The following SRPX variants were observed in gnomAD, a reference collection of about 807,000 sequenced individuals.
SRPX encodes sushi repeat containing protein X-linked, also known as sushi repeat-containing protein SRPX.
A neutral mutation model predicts 38.1 loss-of-function variants in SRPX; 24 were observed. That is an observed-to-expected ratio of 0.63 (90% CI 0.46 to 0.89). SRPX has a LOEUF of 0.89. SRPX is among the 40% of genes least tolerant of loss of function. The pLI, the probability that SRPX is intolerant of heterozygous loss-of-function variation, is 0.00. For missense variants in SRPX, 416 were observed against 377.8 expected (o/e 1.10, Z -0.84); for synonymous variants, 184 against 153.8 (o/e 1.20, Z -1.45).
At chrX:38,159,441 T>C in intron 7 of SRPX, among the ~76,000 whole-genome samples, 1 of 113,117 alleles carries the variant, frequency 8.8e-6, no homozygotes, top group Non-Finnish European at 1.9e-5. Flanking sequence ...TTCAGACTCA[T>C]TACCCAGCCC....
chrX:38,173,102 G>T (rs758342469), intron 3 of SRPX, among the ~76,000 whole-genome samples: 1 of 112,481 alleles, frequency 8.9e-6, no homozygotes, highest in Non-Finnish European at 1.9e-5. Context: ...TGACATGGCT[G>T]CAGCCTTGAA....
intron 9 of SRPX, among the ~76,000 whole-genome samples, chrX:38,150,107 A>G (rs1178193193): frequency 2.7e-5 from 3 of 111,541 alleles, no homozygotes; most frequent in African/African-American, 9.8e-5. Flanking sequence ...CTCATGCCCA[A>G]CCCCAAACCT....
chrX:38,152,321 C>A (rs1008786416), intron 9 of SRPX, among the ~76,000 whole-genome samples: 13 of 112,257 alleles, frequency 1.2e-4, no homozygotes, highest in Non-Finnish European at 2.3e-4. Context: ...ATGACATTTA[C>A]CTGGACTATC....
At chrX:38,218,213 T>C (rs1939450547) in intron 1 of SRPX, among the ~76,000 whole-genome samples, 1 of 112,462 alleles carries the variant, frequency 8.9e-6, no homozygotes, top group Non-Finnish European at 1.9e-5. Context: ...AAGCCTTTCT[T>C]AGAGGCCATG....
At chrX:38,173,323 AG>A (rs1197746720) in intron 3 of SRPX, among the ~76,000 whole-genome samples, 10 of 112,595 alleles carry the variant, frequency 8.9e-5, no homozygotes, top group African/African-American at 3.2e-4. Flanking sequence ...TGAAGCTAAA[AG>A]CCAGCCCCTG....
intron 9 of SRPX, among the ~76,000 whole-genome samples, chrX:38,150,928 A>T (rs1455791044): frequency 8.9e-6 from 1 of 112,004 alleles, no homozygotes; most frequent in East Asian, 2.8e-4. Flanking sequence ...AAATGAGCCC[A>T]CTCAGTCTCT....
chrX:38,214,386 C>T (rs1343437800), intron 1 of SRPX, among the ~76,000 whole-genome samples: 2 of 110,988 alleles, frequency 1.8e-5, no homozygotes, highest in African/African-American at 6.6e-5. Flanking sequence ...GACCAAGACA[C>T]CCACCCAGAG....
chrX:38,220,728 AGCAGCAGCAGCAGCAGAGGCG>A lies in SRPX; in HGVS notation c.44_64del (p.Pro15_Leu21del), dbSNP rs777543606. 4.3e-6 allele frequency: 4 copies of A among 925,450 alleles called. No individual in the cohort carries two copies. In the African/African-American group the frequency reaches 5.8e-5, roughly 13 times the overall value. 76.3% of individuals were successfully genotyped at this position (925,450 alleles called of 1,213,427 possible). On this transcript the variant is annotated inframe_deletion, in exon 1 of 10. Coordinates refer to ENST00000378533, the MANE Select transcript of SRPX (RefSeq NM_006307.5). Reference sequence around the variant, plus strand: ...GCTGCGGCTGGGCGGGACGCGCAGCAGCAGCAGCAGCAGCAGAGGCGGCAGCAGCAGCAGCAGCGCGGGCCG... The same window carrying A: ...GCTGCGGCTGGGCGGGACGCGCAGCAGCAGCAGCAGCAGCAGCGCGGGCCG...
At chrX:38,164,649 G>T in intron 5 of SRPX, 120 bp downstream of exon 5, 1 of 756,591 alleles carries the variant, frequency 1.3e-6, no homozygotes, top group Non-Finnish European at 1.9e-6. Flanking sequence ...GTTAGGTAGT[G>T]ACCAGGGGGA....
At chrX:38,152,757 T>TAC (rs756381961) in intron 9 of SRPX, among the ~76,000 whole-genome samples, 11 of 111,991 alleles carry the variant, frequency 9.8e-5, no homozygotes, top group Non-Finnish European at 1.9e-4. Flanking sequence ...GAAGATGACA[T>TAC]ACACACACAC....
At chrX:38,201,892 A>C (rs1210024521) in intron 1 of SRPX, among the ~76,000 whole-genome samples, 1 of 111,922 alleles carries the variant, frequency 8.9e-6, no homozygotes, top group African/African-American at 3.2e-5. Context: ...CTAGACTAAA[A>C]TCAGCCCAAA....
At chrX:38,194,844 TTTTG>T (rs1449151526) in intron 1 of SRPX, among the ~76,000 whole-genome samples, 4 of 108,362 alleles carry the variant, frequency 3.7e-5, no homozygotes, top group Middle Eastern at 4.7e-3. Context: ...AAATAATGTT[TTTTG>T]TTTGTTTGTT....
At chrX:38,158,936 C>T (rs567130843) in intron 7 of SRPX, among the ~76,000 whole-genome samples, 15 of 110,801 alleles carry the variant, frequency 1.4e-4, no homozygotes, top group South Asian at 1.2e-3. Context: ...ACCGAGATCG[C>T]GCCACTGCAC....
chrX:38,165,575 A>T (rs1002760587), intron 4 of SRPX, among the ~76,000 whole-genome samples: 1 of 112,096 alleles, frequency 8.9e-6, no homozygotes, highest in Non-Finnish European at 1.9e-5. Flanking sequence ...CATTTTACAG[A>T]TGTGCAAACT....
chrX:38,217,844 C>T (rs760601827), intron 1 of SRPX, among the ~76,000 whole-genome samples: 27 of 111,880 alleles, frequency 2.4e-4, no homozygotes, highest in South Asian at 1.1e-3. Flanking sequence ...CCCAAATCTG[C>T]GAAATGAGTA....
At chrX:38,201,096 C>G (rs1939104754) in intron 1 of SRPX, among the ~76,000 whole-genome samples, 1 of 111,192 alleles carries the variant, frequency 9.0e-6, no homozygotes, top group Non-Finnish European at 1.9e-5. Flanking sequence ...CTTTTTAGAT[C>G]GTGATTTTTT....
intron 2 of SRPX, among the ~76,000 whole-genome samples, chrX:38,177,548 ATT>A (rs5902179): frequency 0.014 from 1,315 of 96,691 alleles, 9 homozygotes; most frequent in Non-Finnish European, 0.017. Flanking sequence ...TTTGTTAACC[ATT>A]TTTTTTTTTT....
In SRPX at chrX:38,154,503, T is replaced by C. The variant is rs1344749021; in HGVS notation, c.1170A>G (p.Ile390Met). 1.1e-5 allele frequency: 13 copies of C among 1,204,830 alleles called. No homozygotes were observed. The East Asian group carries it at 3.6e-4, about 33-fold the overall frequency. Residue 390 changes from isoleucine (I) to methionine (M), a missense_variant, in exon 9 of 10, where the codon ATA becomes ATG. Transcript: ENST00000378533. ...GGGCTGGAGGCATAATCTTTGCTCC[T>C]ATCCTGCCAATGAGAGTCGGGAACA... is the stretch of plus-strand genomic sequence containing the variant. ...VGVFPTLIGR[I>M]GAKIMPPALA...
At chrX:38,220,206 CT>C (rs773567095) in intron 1 of SRPX, among the ~76,000 whole-genome samples, 2 of 113,776 alleles carry the variant, frequency 1.8e-5, no homozygotes, top group Non-Finnish European at 3.7e-5. Context: ...CCGCCCGTGC[CT>C]TCCACAAAAG....
Sources: allele counts gnomAD v4.1 joint callset (sites outside exome capture counted in the v4.1 genomes callset), GRCh38; gene constraint gnomAD v4.1.1; transcripts MANE v1.5; gene names NCBI Gene and HGNC (gene_info 2026-07-23, HGNC 2026-07-21).